The following PCDHB16 variants were observed in gnomAD, a reference collection of about 807,000 sequenced individuals.
The protein encoded by PCDHB16 is protocadherin beta-16.
For missense variants in PCDHB16, 1,026 were observed against 989.9 expected (o/e 1.04, Z -0.49); for synonymous variants, 444 against 436.5 (o/e 1.02, Z -0.21).
chr5:141,184,990 A>G lies in PCDHB16; in HGVS notation c.*100A>G, dbSNP rs1554282500. The stretch of plus-strand genomic sequence containing the variant: ...TTGATAAATTCCTTAACTTCTTATG[A>G]TTGTCTTGTTGATTAAATTGTTCAT... On this transcript the variant is annotated 3_prime_UTR_variant, in exon 1 of 1. Transcript: ENST00000609684. 6.7e-7 allele frequency: 1 copy of G among 1,500,038 alleles called. No individual in the cohort carries two copies. The highest frequency in any genetic ancestry group is 1.4e-5 in the South Asian group (1 of 72,452). 92.9% of individuals were successfully genotyped at this position (1,500,038 alleles called of 1,614,324 possible).
At position 141,186,104 on chromosome 5, in the gene PCDHB16, T is replaced by C. The variant is rs182794488; in HGVS notation, c.*1214T>C. 3.6e-3 allele frequency: 3,561 copies of C among 999,344 alleles called. 15 individuals are homozygous for C. Among genetic ancestry groups the C allele is most frequent in the Non-Finnish European group, 4.2e-3 (3,456 of 829,222 alleles). 61.9% of individuals were successfully genotyped at this position (999,344 alleles called of 1,614,324 possible). ...TTCATCATAGTATACATTGGCGGTATCTAGCCCTTTCTCTGTAAAATATCC... is the reference window on the plus strand; with the variant it reads ...TTCATCATAGTATACATTGGCGGTACCTAGCCCTTTCTCTGTAAAATATCC... On this transcript the variant is annotated 3_prime_UTR_variant, in exon 1 of 1. Coordinates refer to ENST00000609684, the MANE Select transcript of PCDHB16 (RefSeq NM_020957.4).
rs371139573 is a variant in PCDHB16, at chr5:141,182,514, T to C, written c.-46T>C. The C allele has an allele frequency of 2.0e-6, 3 of 1,485,484 alleles. No individual in the cohort carries two copies. Among genetic ancestry groups the C allele is most frequent in the Non-Finnish European group, 2.7e-6 (3 of 1,109,360 alleles). The allele number at this position is 1,485,484 out of a possible 1,614,324, so 92.0% of individuals were successfully genotyped here. A position where few individuals can be genotyped will look rare whatever the true frequency, so the allele number is the denominator to read the frequency against. The stretch of plus-strand genomic sequence containing the variant: ...CTGCAAAACAGTTCTACTAGGATCC[T>C]GGGGATACATGAAGCTTCTGTGAAC... On this transcript the variant is annotated 5_prime_UTR_variant, in exon 1 of 1. Coordinates refer to ENST00000609684, the MANE Select transcript of PCDHB16 (RefSeq NM_020957.4).
chr5:141,185,117 C>A lies in PCDHB16; in HGVS notation c.*227C>A. The A allele has an allele frequency of 7.5e-7, 1 of 1,327,610 alleles. No individual in the cohort carries two copies. 82.2% of individuals were successfully genotyped at this position (1,327,610 alleles called of 1,614,324 possible). On this transcript the variant is annotated 3_prime_UTR_variant, in exon 1 of 1. Coordinates refer to ENST00000609684, the MANE Select transcript of PCDHB16 (RefSeq NM_020957.4). ...TCATATTTACCCCGAAGAGGTGTTGCATATAGAATCCCAATTAACAAAATA... is the reference window on the plus strand; with the variant it reads ...TCATATTTACCCCGAAGAGGTGTTGAATATAGAATCCCAATTAACAAAATA...
rs556737675 is a variant in PCDHB16, at chr5:141,185,821, T to A, written c.*931T>A. The stretch of plus-strand genomic sequence containing the variant: ...TAAAATAAAATATTCCTATTGTAAG[T>A]GATATGAGAAATCTTTAACCAGCCT... On this transcript the variant is annotated 3_prime_UTR_variant, in exon 1 of 1. Coordinates refer to ENST00000609684, the MANE Select transcript of PCDHB16 (RefSeq NM_020957.4). 4.3e-3 allele frequency: 4,255 copies of A among 983,898 alleles called. 141 individuals carry two copies. The African/African-American group carries it at 0.07, about 16-fold the overall frequency. The allele number at this position is 983,898 out of a possible 1,614,324, so 60.9% of individuals were successfully genotyped here. A position where few individuals can be genotyped will look rare whatever the true frequency, so the allele number is the denominator to read the frequency against.
In PCDHB16 at chr5:141,183,383, G is replaced by A; in HGVS notation, c.824G>A (p.Gly275Glu). 1.2e-6 allele frequency: 2 copies of A among 1,614,098 alleles called. No individual in the cohort carries two copies. The highest frequency in any genetic ancestry group is 1.7e-6 in the Non-Finnish European group (2 of 1,180,020). ...AGGGATTTAGACGGCGGAGCCAATG[G>A]AAAAATATCATACACACTCTTTCAG... ...SARDLDGGAN[G>E]KISYTLFQPS... Residue 275 changes from glycine (G) to glutamate (E), a missense_variant, in exon 1 of 1, where the codon GGA becomes GAA. Physicochemically the swap from Gly to Glu is moderately conservative, Grantham distance 98 (BLOSUM62 -2). Coordinates refer to ENST00000609684, the MANE Select transcript of PCDHB16 (RefSeq NM_020957.4).
Position 141,184,911 on chromosome 5 carries a change from T to C in PCDHB16, c.*21T>C, listed in dbSNP as rs1554282491. The C allele has an allele frequency of 2.5e-6, 4 of 1,609,670 alleles. No individual in the cohort carries two copies. Among genetic ancestry groups the C allele is most frequent in the Non-Finnish European group, 2.5e-6 (3 of 1,177,764 alleles). ...CTTAGGGCACTAGGAAAGAAATAGA[T>C]TAAAATTCCACCCTTCACAATAGCT... On this transcript the variant is annotated 3_prime_UTR_variant, in exon 1 of 1. Coordinates refer to ENST00000609684, the MANE Select transcript of PCDHB16 (RefSeq NM_020957.4).
rs143925547 is a variant in PCDHB16 at position 141,184,248 on chromosome 5, C to T, written c.1689C>T (p.Tyr563=). ...ACGACAACTCGCCCTTCGTGCTGTA[C>T]CCGCTGCAGAACGGCTCCGCGCCCT... ...DANDNSPFVL[Y]PLQNGSAPCT... is the part of the protein sequence containing the mutation. The change falls in exon 1 of 1, where the codon TAC becomes TAT. Residue 563 remains tyrosine, a synonymous_variant. Coordinates refer to ENST00000609684, the MANE Select transcript of PCDHB16 (RefSeq NM_020957.4). 4,964 of 1,585,506 alleles carry T rather than the reference C, an allele frequency of 3.1e-3. 227 individuals are homozygous for T. The African/African-American group carries it at 0.057, about 18-fold the overall frequency.
In PCDHB16 at chr5:141,185,429, A is replaced by G; in HGVS notation, c.*539A>G. On this transcript the variant is annotated 3_prime_UTR_variant, in exon 1 of 1. Transcript: ENST00000609684. ...TTTCTTTTTTTTTTTTTCCTTTTTG[A>G]GACAGGGTCTTACTCTTGTCACCCA... is the stretch of plus-strand genomic sequence containing the variant. 4.3e-6 allele frequency: 3 copies of G among 697,020 alleles called. No homozygotes were observed. Among genetic ancestry groups the G allele is most frequent in the Non-Finnish European group, 5.2e-6 (3 of 574,724 alleles). The allele number at this position is 697,020 out of a possible 1,614,324, so 43.2% of individuals were successfully genotyped here. A position where few individuals can be genotyped will look rare whatever the true frequency, so the allele number is the denominator to read the frequency against.
In PCDHB16 at chr5:141,183,857, C is replaced by T; in HGVS notation, c.1298C>T (p.Thr433Met). ...GATATGGGGACTCCAAGGCTGAAAA[C>T]GGAGCACAACATAACAGTGCAGATA... ...VTDMGTPRLKTEHNITVQISD... is the reference protein window; with the variant it reads ...VTDMGTPRLKMEHNITVQISD... Residue 433 changes from threonine (T) to methionine (M), a missense_variant, in exon 1 of 1, where the codon ACG (threonine) becomes ATG (methionine). Transcript: ENST00000609684. The T allele has an allele frequency of 6.2e-7, 1 of 1,614,204 alleles. No homozygotes were observed. Among genetic ancestry groups the T allele is most frequent in the Non-Finnish European group, 8.5e-7 (1 of 1,180,034 alleles).
chr5:141,185,089 T>A lies in PCDHB16; in HGVS notation c.*199T>A. 7.1e-7 allele frequency: 1 copy of A among 1,406,582 alleles called. No individual in the cohort carries two copies. The highest frequency in any genetic ancestry group is 9.3e-7 in the Non-Finnish European group (1 of 1,078,268). 87.1% of individuals were successfully genotyped at this position (1,406,582 alleles called of 1,614,324 possible). A position where few individuals can be genotyped will look rare whatever the true frequency, so the allele number is the denominator to read the frequency against. ...ATATTGTTAATTCCAGTTTCCCTTT[T>A]CCTCATATTTACCCCGAAGAGGTGT... On this transcript the variant is annotated 3_prime_UTR_variant, in exon 1 of 1. Transcript: ENST00000609684.
Position 141,182,763 on chromosome 5 carries a change from C to G in PCDHB16, c.204C>G (p.Ser68=). ...CCACCCGCAAGGCCAGGATCATTTC[C>G]CAGGGGAACAAACAGCATTTGCAGC... ...EMSTRKARII[S]QGNKQHLQLK... The change falls in exon 1 of 1, where the codon TCC becomes TCG. Residue 68 remains serine, a synonymous_variant. Coordinates refer to ENST00000609684, the MANE Select transcript of PCDHB16 (RefSeq NM_020957.4). The G allele has an allele frequency of 6.2e-7, 1 of 1,613,332 alleles. No individual in the cohort carries two copies. The highest frequency in any genetic ancestry group is 8.5e-7 in the Non-Finnish European group (1 of 1,179,472).
Position 141,184,636 on chromosome 5 carries a change from G to A in PCDHB16, c.2077G>A (p.Ala693Thr). 1.2e-6 allele frequency: 2 copies of A among 1,612,772 alleles called. No homozygotes were observed. Among genetic ancestry groups the A allele is most frequent in the Non-Finnish European group, 1.7e-6 (2 of 1,179,838 alleles). ...CTCGCTCACTGTCTACCTGGTGGTG[G>A]CGTTGGCCTCGGTGTCGTCGCTCTT... ...ANSLTVYLVVALASVSSLFLF... is the reference protein window; with the variant it reads ...ANSLTVYLVVTLASVSSLFLF... Residue 693 changes from alanine (A) to threonine (T), a missense_variant, in exon 1 of 1, where the codon GCG (alanine) becomes ACG (threonine). Transcript: ENST00000609684.
chr5:141,183,432 T>C lies in PCDHB16; in HGVS notation c.873T>C (p.Thr291=), dbSNP rs373835506. 3.7e-5 allele frequency: 59 copies of C among 1,613,994 alleles called. No homozygotes were observed. The highest frequency in any genetic ancestry group is 4.7e-5 in the Non-Finnish European group (56 of 1,180,052). The part of the protein sequence containing the change: ...LFQPSEDISK[T]LEVNPMTGEV... ...AGCCTTCGGAGGATATTAGTAAAAC[T>C]TTGGAGGTAAATCCTATGACAGGGG... The change falls in exon 1 of 1, where the codon ACT becomes ACC. Residue 291 remains threonine, a synonymous_variant. Transcript: ENST00000609684.
chr5:141,183,370 G>T lies in PCDHB16; in HGVS notation c.811G>T (p.Gly271Cys). 2.5e-6 allele frequency: 4 copies of T among 1,614,146 alleles called. No homozygotes were observed. The highest frequency in any genetic ancestry group is 3.4e-6 in the Non-Finnish European group (4 of 1,180,028). The change falls in exon 1 of 1, where the codon GGC (glycine) becomes TGC (cysteine). Residue 271 changes from glycine to cysteine, a missense_variant. Gly to Cys is a radical substitution (Grantham distance 159). Coordinates refer to ENST00000609684, the MANE Select transcript of PCDHB16 (RefSeq NM_020957.4). The stretch of plus-strand genomic sequence containing the variant: ...CACCGTCTCCGCCAGGGATTTAGAC[G>T]GCGGAGCCAATGGAAAAATATCATA... ...VATVSARDLD[G>C]GANGKISYTL...
Position 141,183,859 on chromosome 5 carries a change from G to A in PCDHB16, c.1300G>A (p.Glu434Lys). Residue 434 changes from glutamate to lysine, a missense_variant, in exon 1 of 1, where the codon GAG becomes AAG. Coordinates refer to ENST00000609684, the MANE Select transcript of PCDHB16 (RefSeq NM_020957.4). ...TDMGTPRLKT[E>K]HNITVQISDV... ...TATGGGGACTCCAAGGCTGAAAACG[G>A]AGCACAACATAACAGTGCAGATATC... 6.2e-7 allele frequency: 1 copy of A among 1,614,148 alleles called. No homozygotes were observed. The highest frequency in any genetic ancestry group is 8.5e-7 in the Non-Finnish European group (1 of 1,180,038).
chr5:141,184,128 C>A lies in PCDHB16; in HGVS notation c.1569C>A (p.Ala523=), dbSNP rs1753648458. ...CCCTCAGGTCGCTGGACTACGAGGCCCTGCAGGCTTTCGAGTTCCGCGTGG... is the reference window on the plus strand; with the variant it reads ...CCCTCAGGTCGCTGGACTACGAGGCACTGCAGGCTTTCGAGTTCCGCGTGG... ...LFALRSLDYE[A]LQAFEFRVGA... Residue 523 remains alanine (A), a synonymous_variant, in exon 1 of 1, where the codon GCC becomes GCA. Coordinates refer to ENST00000609684, the MANE Select transcript of PCDHB16 (RefSeq NM_020957.4). The A allele has an allele frequency of 6.5e-6, 10 of 1,533,702 alleles. 1 individual carries two copies. The South Asian group carries it at 8.0e-5, about 12-fold the overall frequency.
At position 141,183,789 on chromosome 5, in the gene PCDHB16, C is replaced by CA; in HGVS notation, c.1231dup (p.Arg411LysfsTer6). On this transcript the variant is annotated frameshift_variant, in exon 1 of 1. Transcript: ENST00000609684. LOFTEE classifies it low-confidence loss of function (END_TRUNC). Reference sequence around the variant, plus strand: ...CCTTGGTAACGGAGAGAGCACTCGACAGAGAAGCAAGAGCTGAATATAATA... The same window carrying CA: ...CCTTGGTAACGGAGAGAGCACTCGACAAGAGAAGCAAGAGCTGAATATAATA... 6.2e-7 allele frequency: 1 copy of CA among 1,614,194 alleles called. No homozygotes were observed. The highest frequency in any genetic ancestry group is 8.5e-7 in the Non-Finnish European group (1 of 1,180,030).
rs1753625850 is a variant in PCDHB16, at chr5:141,183,588, T to TC, written c.1034dup (p.Gln346ThrfsTer17). On this transcript the variant is annotated frameshift_variant, in exon 1 of 1. Transcript: ENST00000609684. LOFTEE classifies it low-confidence loss of function (END_TRUNC). ...TGCAGGTGGTGGACGTGAATGACAA[T>TC]CCCCCACAGGTGACCATGTCTGCAC... 5 of 1,613,800 alleles carry TC rather than the reference T, an allele frequency of 3.1e-6. No homozygotes were observed. Among genetic ancestry groups the TC allele is most frequent in the Non-Finnish European group, 4.2e-6 (5 of 1,179,994 alleles).
rs782078057 is a variant in PCDHB16, at chr5:141,183,401, T to A, written c.842T>A (p.Leu281His). 506 of 1,614,034 alleles carry A rather than the reference T, an allele frequency of 3.1e-4. No homozygotes were observed. Among genetic ancestry groups the A allele is most frequent in the Non-Finnish European group, 4.1e-4 (488 of 1,180,028 alleles). The change falls in exon 1 of 1, where the codon CTC (leucine) becomes CAC (histidine). Residue 281 changes from leucine (L) to histidine (H), a missense_variant. By Grantham distance (99) the Leu-to-His change is moderately conservative (BLOSUM62 -3). Coordinates refer to ENST00000609684, the MANE Select transcript of PCDHB16 (RefSeq NM_020957.4). ...GCCAATGGAAAAATATCATACACAC[T>A]CTTTCAGCCTTCGGAGGATATTAGT... ...GGANGKISYT[L>H]FQPSEDISKT...
Sources: allele counts gnomAD v4.1 joint callset, GRCh38; gene constraint gnomAD v4.1.1; transcripts MANE v1.5; gene names NCBI Gene and HGNC (gene_info 2026-07-23, HGNC 2026-07-21).